Variants in SLC44A5 observed in about 807,000 individuals in gnomAD.
SLC44A5 encodes solute carrier family 44 member 5.
A neutral mutation model predicts 101.8 loss-of-function variants in SLC44A5; 57 were observed. That is an observed-to-expected ratio of 0.56 (90% confidence interval 0.45 to 0.70). The LOEUF (loss-of-function observed/expected upper bound fraction) is 0.70. SLC44A5 is among the 30% of genes least tolerant of loss of function. SLC44A5 has a pLI of 0.00. For missense variants in SLC44A5, 737 were observed against 853.1 expected (o/e 0.86, Z 1.70); for synonymous variants, 281 against 290.9 (o/e 0.97, Z 0.35).
chr1:75,656,499 A>G, the SLC44A5 span, among the ~76,000 whole-genome samples: 1 of 152,204 alleles, frequency 6.6e-6, no homozygotes. Flanking sequence ...CAGAAAACAT[A>G]AAGTCAAAAA....
At chr1:75,663,777 T>C in the SLC44A5 span, among the ~76,000 whole-genome samples, 1 of 152,136 alleles carries the variant, frequency 6.6e-6, no homozygotes, top group Non-Finnish European at 1.5e-5. Context: ...ATTCTTAAAA[T>C]AGAGGATCAA....
At chr1:75,213,307 A>G (rs1646895563) in intron 22 of SLC44A5, among the ~76,000 whole-genome samples, 1 of 152,118 alleles carries the variant, frequency 6.6e-6, no homozygotes, top group South Asian at 2.1e-4. Flanking sequence ...TCCTTTTTAA[A>G]ATTGTGCTAT....
intron 6 of SLC44A5, among the ~76,000 whole-genome samples, chr1:75,268,882 C>T (rs543454299): frequency 2.0e-5 from 3 of 152,166 alleles, no homozygotes; most frequent in African/African-American, 7.2e-5. Flanking sequence ...TATTGAGAAA[C>T]ATTTAGGTTG....
chr1:75,526,863 G>A lies in SLC44A5; in HGVS notation c.13+14572C>T, dbSNP rs190869393. 7.3e-4 allele frequency among the ~76,000 whole-genome samples: 111 copies of A among 152,198 alleles called. 2 individuals carry two copies. Among genetic ancestry groups the A allele is most frequent in the African/African-American group, 2.5e-3 (104 of 41,538 alleles). Reference sequence around the variant, plus strand: ...AAAGAAAAGAAAAAAGGCTGGGTGCGGTGGCTCACACCTGTAATCCCAGCA... The same window carrying A: ...AAAGAAAAGAAAAAAGGCTGGGTGCAGTGGCTCACACCTGTAATCCCAGCA... On this transcript the variant is annotated intron_variant, in intron 2 of 23. Coordinates refer to ENST00000370859, the MANE Select transcript of SLC44A5 (RefSeq NM_001130058.2).
At chr1:75,259,482 A>C (rs967317979) in intron 6 of SLC44A5, among the ~76,000 whole-genome samples, 1 of 152,162 alleles carries the variant, frequency 6.6e-6, no homozygotes. Flanking sequence ...ATTAGAGAAA[A>C]AAGAGTGAAG....
At chr1:75,659,625 ACC>A in the SLC44A5 span, among the ~76,000 whole-genome samples, 3 of 36,274 alleles carry the variant, frequency 8.3e-5, no homozygotes, top group Admixed American at 2.7e-4. Flanking sequence ...CCCCATCTCT[ACC>A]AAAAAAAAAA....
intron 2 of SLC44A5, among the ~76,000 whole-genome samples, chr1:75,414,322 CAT>C (rs1396378147): frequency 6.6e-5 from 8 of 121,804 alleles, no homozygotes; most frequent in South Asian, 2.7e-4. Flanking sequence ...TACATATCCA[CAT>C]ACACACACAC....
At position 75,357,903 on chromosome 1, in the gene SLC44A5, G is replaced by A. The variant is rs530395659; in HGVS notation, c.53-18273C>T. 5.9e-5 allele frequency among the ~76,000 whole-genome samples: 9 copies of A among 152,104 alleles called. No individual in the cohort carries two copies. The East Asian group carries it at 1.2e-3, about 20-fold the overall frequency. The stretch of plus-strand genomic sequence containing the variant: ...GTCACACATCACTTCCAGAAAACCC[G>A]TTCCAGAACTTTAGAAATGTTAGAA... On this transcript the variant is annotated intron_variant, in intron 3 of 23. Coordinates refer to ENST00000370859, the MANE Select transcript of SLC44A5 (RefSeq NM_001130058.2).
At chr1:75,624,935 C>T in the SLC44A5 span, among the ~76,000 whole-genome samples, 2 of 152,066 alleles carry the variant, frequency 1.3e-5, no homozygotes, top group African/African-American at 2.4e-5. Flanking sequence ...TCTTCCATAA[C>T]GTGCACCAGT....
the SLC44A5 span, among the ~76,000 whole-genome samples, chr1:75,707,691 C>A: frequency 7.4e-4 from 113 of 152,124 alleles, no homozygotes; most frequent in African/African-American, 2.6e-3. Context: ...AAAACCCTAT[C>A]CTCTTGTCAT....
At chr1:75,227,929 T>G in intron 12 of SLC44A5, 72 bp from the exon 13 acceptor site, 1 of 1,217,054 alleles carries the variant, frequency 8.2e-7, no homozygotes, top group Non-Finnish European at 1.1e-6. Flanking sequence ...GTGCTCATCA[T>G]ACATATCTAT....
chr1:75,626,886 T>C, the SLC44A5 span, among the ~76,000 whole-genome samples: 1 of 152,256 alleles, frequency 6.6e-6, no homozygotes, highest in African/African-American at 2.4e-5. Context: ...TCCTATGTCA[T>C]GTAAAGTTCT....
chr1:75,400,249 T>C (rs374820759), intron 2 of SLC44A5, among the ~76,000 whole-genome samples: 17 of 152,216 alleles, frequency 1.1e-4, no homozygotes, highest in East Asian at 9.6e-4. Context: ...GTTCACTATA[T>C]TTGGGTGATG....
At chr1:75,234,695 A>G (rs1188246413) in intron 11 of SLC44A5, among the ~76,000 whole-genome samples, 1 of 152,026 alleles carries the variant, frequency 6.6e-6, no homozygotes, top group East Asian at 1.9e-4. Context: ...CTCCCCAGTG[A>G]TCTGTGGGCC....
intron 3 of SLC44A5, among the ~76,000 whole-genome samples, chr1:75,375,421 C>A (rs554333648): frequency 1.1e-4 from 17 of 152,214 alleles, no homozygotes; most frequent in Non-Finnish European, 2.1e-4. Context: ...TCTGAGGATA[C>A]AATCCACAAC....
intron 22 of SLC44A5, 91 bp from the exon 23 acceptor site, chr1:75,211,643 G>A (rs1445110949): frequency 2.8e-5 from 26 of 935,034 alleles, no homozygotes; most frequent in Non-Finnish European, 3.2e-5. Flanking sequence ...TGATGAGAAA[G>A]TTTTGAAGTA....
the SLC44A5 span, among the ~76,000 whole-genome samples, chr1:75,684,447 C>G: frequency 2.6e-5 from 4 of 152,100 alleles, no homozygotes; most frequent in Non-Finnish European, 5.9e-5. Context: ...GTTCCTTATA[C>G]CTAGGAGCCC....
intron 1 of SLC44A5, among the ~76,000 whole-genome samples, chr1:75,559,401 C>T (rs1236971817): frequency 6.6e-6 from 1 of 152,038 alleles, no homozygotes; most frequent in African/African-American, 2.4e-5. Flanking sequence ...AGGGAATTGG[C>T]TGGGACATAA....
At chr1:75,416,541 G>A (rs953015153) in intron 2 of SLC44A5, among the ~76,000 whole-genome samples, 11 of 152,324 alleles carry the variant, frequency 7.2e-5, no homozygotes, top group East Asian at 3.9e-4. Flanking sequence ...ACCACCTAGC[G>A]GAGCTGTGAG....
Sources: gnomAD v4.1 joint callset for allele counts (sites outside exome capture counted in the v4.1 genomes callset) on GRCh38, gnomAD v4.1.1 for gene constraint, MANE v1.5 for transcripts, NCBI Gene and HGNC (gene_info 2026-07-23, HGNC 2026-07-21) for gene names.